The following ZNF469 variants were observed in gnomAD, a reference collection of about 807,000 sequenced individuals.
ZNF469 encodes the protein zinc finger protein 469.
ZNF469 carries 1 observed loss-of-function variant against 1.0 expected under a neutral mutation model. That is an observed-to-expected ratio of 1.00 (90% CI 0.35 to 4.73). ZNF469 has a LOEUF of 4.73. ZNF469 is among the 30% of genes most tolerant of loss of function. The pLI is 0.16. For missense variants in ZNF469, 6,100 were observed against 5,356.3 expected, an observed-to-expected ratio of 1.14 and a Z score of -4.33; for synonymous variants, 2,703 against 2,363.4, an observed-to-expected ratio of 1.14 and a Z score of -4.17.
chr16:88,283,485 C>G, the ZNF469 span, among the ~76,000 whole-genome samples: 1 of 152,206 alleles, frequency 6.6e-6, no homozygotes, highest in Non-Finnish European at 1.5e-5. Flanking sequence ...AAAACGTCAA[C>G]AACTGTGAGC....
the ZNF469 span, among the ~76,000 whole-genome samples, chr16:88,120,381 C>G: frequency 6.6e-6 from 1 of 152,270 alleles, no homozygotes; most frequent in Non-Finnish European, 1.5e-5. Flanking sequence ...GAGCTTGGTG[C>G]TCATTTCCCG....
chr16:88,177,005 C>G, the ZNF469 span, among the ~76,000 whole-genome samples: 1 of 152,230 alleles, frequency 6.6e-6, no homozygotes, highest in Non-Finnish European at 1.5e-5. This position sits in a 1 kb window ranked among gnomAD's most constrained non-coding sequence, Gnocchi z 4.8. Flanking sequence ...ATGGGCTTTT[C>G]CCAGGTCATA....
At chr16:88,115,479 C>T in the ZNF469 span, among the ~76,000 whole-genome samples, 1 of 151,996 alleles carries the variant, frequency 6.6e-6, no homozygotes, top group African/African-American at 2.4e-5. Context: ...CCGGTCCCCT[C>T]CCGCTTTCCC....
At chr16:88,129,203 C>T in the ZNF469 span, among the ~76,000 whole-genome samples, 1 of 152,246 alleles carries the variant, frequency 6.6e-6, no homozygotes, top group South Asian at 2.1e-4. Flanking sequence ...AGCCCTGCCA[C>T]AGCGTCATGC....
the ZNF469 span, among the ~76,000 whole-genome samples, chr16:88,306,532 C>T: frequency 6.6e-6 from 1 of 152,334 alleles, no homozygotes; most frequent in East Asian, 1.9e-4. Context: ...CGGGATGTCA[C>T]CTGCACCCAG....
the ZNF469 span, among the ~76,000 whole-genome samples, chr16:88,195,588 G>A: frequency 2.8e-4 from 43 of 152,318 alleles, no homozygotes; most frequent in African/African-American, 1.0e-3. Flanking sequence ...CTTGGGGTGA[G>A]AGTCTCTCTG....
At chr16:88,331,399 C>G in the ZNF469 span, among the ~76,000 whole-genome samples, 1 of 151,568 alleles carries the variant, frequency 6.6e-6, no homozygotes, top group South Asian at 2.1e-4. Context: ...CCATCACTAC[C>G]ATCGTCATCA....
At chr16:88,328,695 CG>C in the ZNF469 span, among the ~76,000 whole-genome samples, 1 of 152,108 alleles carries the variant, frequency 6.6e-6, no homozygotes, top group Non-Finnish European at 1.5e-5. Flanking sequence ...GCGTTCCAGC[CG>C]GGGGGCTGGG....
At chr16:88,172,413 A>C in the ZNF469 span, among the ~76,000 whole-genome samples, 1 of 152,228 alleles carries the variant, frequency 6.6e-6, no homozygotes, top group Admixed American at 6.5e-5. Flanking sequence ...ATGGTGGTAA[A>C]TTAGCCATAG....
the ZNF469 span, among the ~76,000 whole-genome samples, chr16:88,172,242 C>G: frequency 6.6e-6 from 1 of 152,140 alleles, no homozygotes; most frequent in Non-Finnish European, 1.5e-5. Context: ...TCTGTGTGTG[C>G]GTGTGAAGAA....
chr16:88,415,961 C>T (rs776446884), intron 1 of ZNF469, among the ~76,000 whole-genome samples: 1 of 152,220 alleles, frequency 6.6e-6, no homozygotes, highest in African/African-American at 2.4e-5. Context: ...AGCCAGAGTG[C>T]GGACACCCCA....
chr16:88,121,969 TAAAC>T, the ZNF469 span, among the ~76,000 whole-genome samples: 1 of 152,014 alleles, frequency 6.6e-6, no homozygotes, highest in African/African-American at 2.4e-5. Flanking sequence ...AGAAGCCAAA[TAAAC>T]AGTGTAGACA....
the ZNF469 span, among the ~76,000 whole-genome samples, chr16:88,137,590 CTG>C: frequency 4.6e-5 from 7 of 152,268 alleles, no homozygotes; most frequent in African/African-American, 1.4e-4. Flanking sequence ...ATGCATACAA[CTG>C]TGCATGAATA....
the ZNF469 span, among the ~76,000 whole-genome samples, chr16:88,215,254 C>T: frequency 6.6e-6 from 1 of 151,790 alleles, no homozygotes; most frequent in Non-Finnish European, 1.5e-5. Flanking sequence ...CTGTTTGAGC[C>T]ATCTCTTTTA....
At position 88,437,566 on chromosome 16, in the gene ZNF469, C is replaced by G; in HGVS notation, c.10096C>G (p.Leu3366Val). 6.5e-7 allele frequency: 1 copy of G among 1,537,454 alleles called. No individual in the cohort carries two copies. Among genetic ancestry groups the G allele is most frequent in the South Asian group, 1.2e-5 (1 of 83,708 alleles). Residue 3366 changes from leucine to valine, a missense_variant, in exon 3 of 3, where the codon CTG (leucine) becomes GTG (valine). By Grantham distance (32) the Leu-to-Val change is conservative (BLOSUM62 1). Transcript: ENST00000565624. ...LAVHSPQRVY[L>V]CPRCPRVYPE... ...GGTGCACAGCCCGCAGCGCGTCTAC[C>G]TGTGCCCCCGGTGCCCCCGGGTCTA... is the stretch of plus-strand genomic sequence containing the variant.
At chr16:88,301,582 A>G in the ZNF469 span, among the ~76,000 whole-genome samples, 8 of 152,202 alleles carry the variant, frequency 5.3e-5, no homozygotes, top group Non-Finnish European at 5.9e-5. Flanking sequence ...TAGGGGACAC[A>G]GGCATCTCCT....
chr16:88,394,093 ACGACTACACCTGCGC>A (rs1904580181), intron 1 of ZNF469, among the ~76,000 whole-genome samples: 1 of 133,566 alleles, frequency 7.5e-6, no homozygotes, highest in Non-Finnish European at 1.7e-5. Flanking sequence ...AGGGTTTGAC[ACGACTACACCTGCGC>A]TGTCTGAGAG....
the ZNF469 span, among the ~76,000 whole-genome samples, chr16:88,279,144 C>T: frequency 0.43 from 42,525 of 99,060 alleles, 8,377 homozygotes; most frequent in East Asian, 0.54. Context: ...TGCACCACGC[C>T]GACACTTGGT....
At chr16:88,184,315 G>C in the ZNF469 span, among the ~76,000 whole-genome samples, 2 of 152,186 alleles carry the variant, frequency 1.3e-5, no homozygotes, top group South Asian at 4.1e-4. Context: ...CCAGGGACAG[G>C]AGGGCACAGC....
Sources: allele counts gnomAD v4.1 joint callset (sites outside exome capture counted in the v4.1 genomes callset), GRCh38; gene constraint gnomAD v4.1.1; non-coding constraint Gnocchi (gnomAD v3.1); transcripts MANE v1.5; gene names NCBI Gene and HGNC (gene_info 2026-07-23, HGNC 2026-07-21).